MCM6: variants seen among roughly 807,000 people sequenced by gnomAD.
MCM6 encodes minichromosome maintenance complex component 6.
Under a neutral mutation model 94.3 loss-of-function variants are expected in MCM6, and 46 were observed. The ratio of observed to expected loss-of-function variants is 0.49; its 90% confidence interval spans 0.39 to 0.62. The LOEUF (loss-of-function observed/expected upper bound fraction) is 0.62, where lower values mean the gene tolerates loss of function less well. Ranked by LOEUF, MCM6 falls within the 20% of genes least tolerant of loss-of-function variation. The pLI is 0.00. For missense variants in MCM6, 865 were observed against 1,017.9 expected (o/e 0.85, Z 2.04); for synonymous variants, 335 against 351.9 (o/e 0.95, Z 0.54).
intron 10 of MCM6, among the ~76,000 whole-genome samples, chr2:135,857,235 TA>T (rs1679908301): frequency 6.6e-6 from 1 of 152,186 alleles, no homozygotes; most frequent in South Asian, 2.1e-4. Context: ...GGGAAATTAA[TA>T]AAAAACCAAA....
chr2:135,851,103 C>T (rs4988234), intron 13 of MCM6, among the ~76,000 whole-genome samples: 52 of 152,262 alleles, frequency 3.4e-4, no homozygotes, highest in African/African-American at 1.2e-3. Flanking sequence ...GTATTGCCAG[C>T]GCAGAGGCCT....
At chr2:135,866,386 G>T in intron 5 of MCM6, 109 bp from the exon 6 acceptor site, 1 of 1,445,510 alleles carries the variant, frequency 6.9e-7, no homozygotes, top group Non-Finnish European at 9.5e-7. Context: ...CTTAAGCCTT[G>T]AATACTTTCA....
intron 11 of MCM6, among the ~76,000 whole-genome samples, chr2:135,854,744 A>G (rs1451456088): frequency 6.6e-6 from 1 of 151,720 alleles, no homozygotes; most frequent in East Asian, 1.9e-4. Flanking sequence ...ACAATGGTGT[A>G]CATGTGTGGT....
chr2:135,844,524 C>T (rs750332909), intron 16 of MCM6, 21 bp downstream of exon 16: 24 of 1,471,480 alleles, frequency 1.6e-5, no homozygotes, highest in Admixed American at 2.4e-5. Context: ...GATACCAGAG[C>T]ACGCGCACTT....
chr2:135,848,557 T>C (rs1679711208), intron 13 of MCM6, among the ~76,000 whole-genome samples: 1 of 152,090 alleles, frequency 6.6e-6, no homozygotes, highest in Non-Finnish European at 1.5e-5. Context: ...TAAACATATA[T>C]ACATATCATA....
chr2:135,857,860 T>C (rs373158526), intron 10 of MCM6, 37 bp downstream of exon 10: 58 of 1,546,082 alleles, frequency 3.8e-5, no homozygotes, highest in Middle Eastern at 1.9e-4. Flanking sequence ...AACAAGGCTA[T>C]GGACGATGCA....
chr2:135,839,848 G>T lies in MCM6; in HGVS notation c.*987C>A, dbSNP rs1234504218. 1.3e-5 allele frequency: 2 copies of T among 152,172 alleles called. No homozygotes were observed. Among genetic ancestry groups the T allele is most frequent in the Non-Finnish European group, 2.9e-5 (2 of 68,042 alleles). 9.4% of individuals were successfully genotyped at this position (152,172 alleles called of 1,614,324 possible). A position where few individuals can be genotyped will look rare whatever the true frequency, so the allele number is the denominator to read the frequency against. On this transcript the variant is annotated 3_prime_UTR_variant, in exon 17 of 17. Coordinates refer to ENST00000264156, the MANE Select transcript of MCM6 (RefSeq NM_005915.6). ...TGCACTGGAAAGCTCAGACATCAAG[G>T]CAAGTTGAGTACTCATGGGTATTAG...
chr2:135,868,739 T>C lies in MCM6; in HGVS notation c.487A>G (p.Thr163Ala), dbSNP rs770073773. ...TGCTGTTCTACATCCCTGATCACTG[T>C]CTGACAGTCCAAGCACAGAAAAGTT... is the stretch of plus-strand genomic sequence containing the variant. ...SGTFLCLDCQ[T>A]VIRDVEQQFK... is the part of the protein sequence containing the mutation. Residue 163 changes from threonine to alanine, a missense_variant, in exon 4 of 17, where the codon ACA (threonine) becomes GCA (alanine). Physicochemically the swap from Thr to Ala is moderately conservative, Grantham distance 58. Around this residue, in one of 3 missense-constraint regions of MCM6, gnomAD observed 404 missense variants for 451.9 expected, o/e 0.89. Coordinates refer to ENST00000264156, the MANE Select transcript of MCM6 (RefSeq NM_005915.6). 6 of 1,614,230 alleles carry C rather than the reference T, an allele frequency of 3.7e-6. No homozygotes were observed. The Admixed American group carries it at 8.3e-5, about 22-fold the overall frequency.
chr2:135,857,593 T>A (rs1265294896), intron 10 of MCM6, among the ~76,000 whole-genome samples: 1 of 152,162 alleles, frequency 6.6e-6, no homozygotes, highest in African/African-American at 2.4e-5. Flanking sequence ...TATAAATAAA[T>A]ATATACATAT....
At chr2:135,851,045 C>T (rs1016280706) in intron 13 of MCM6, among the ~76,000 whole-genome samples, 1 of 152,168 alleles carries the variant, frequency 6.6e-6, no homozygotes, top group South Asian at 2.1e-4. Context: ...ACAAATGCAA[C>T]CTAAGGAGGA....
Position 135,868,636 on chromosome 2 carries a change from T to A in MCM6, c.590A>T (p.Lys197Ile). The A allele has an allele frequency of 6.2e-7, 1 of 1,614,044 alleles. No individual in the cohort carries two copies. Among genetic ancestry groups the A allele is most frequent in the Non-Finnish European group, 8.5e-7 (1 of 1,179,864 alleles). ...CTTTTGAAAATCAACAAATCTTGAT[T>A]TATTTGTATCCAGTAAGAATCTCCT... ...NRRRFLLDTN[K>I]SRFVDFQKVR... Residue 197 changes from lysine (K) to isoleucine (I), a missense_variant, in exon 4 of 17, where the codon AAA (lysine) becomes ATA (isoleucine). Coordinates refer to ENST00000264156, the MANE Select transcript of MCM6 (RefSeq NM_005915.6).
chr2:135,848,013 G>T (rs759511858), intron 14 of MCM6, 40 bp downstream of exon 14: 5 of 1,545,226 alleles, frequency 3.2e-6, no homozygotes, highest in Non-Finnish European at 4.4e-6. Context: ...AAATGTTTTG[G>T]TCCCTAACTC....
At chr2:135,852,456 T>C (rs552164932) in intron 12 of MCM6, among the ~76,000 whole-genome samples, 1 of 152,350 alleles carries the variant, frequency 6.6e-6, no homozygotes, top group African/African-American at 2.4e-5. Flanking sequence ...GATTCAACTA[T>C]TGATTTAGGC....
rs1680295129 is a variant in MCM6, at chr2:135,876,248, C to T, written c.107+11G>A. On this transcript the variant is annotated intron_variant, in intron 1 of 16. Transcript: ENST00000264156. ...GGAGGCGGGCGAGGCCCGGGGCGCT[C>T]GCCGACTTACTCCTCCAAGAAGTCC... is the stretch of plus-strand genomic sequence containing the variant. 1.3e-6 allele frequency: 2 copies of T among 1,586,792 alleles called. No individual in the cohort carries two copies. Among genetic ancestry groups the T allele is most frequent in the African/African-American group, 1.4e-5 (1 of 72,698 alleles).
At chr2:135,851,313 T>A (rs1679776790) in intron 13 of MCM6, 89 bp downstream of exon 13, 8 of 995,636 alleles carry the variant, frequency 8.0e-6, no homozygotes, top group Non-Finnish European at 1.2e-5. Context: ...GTATTTGCAG[T>A]GAATTCTAGT....
chr2:135,857,378 T>C (rs1385321492), intron 10 of MCM6, among the ~76,000 whole-genome samples: 1 of 152,240 alleles, frequency 6.6e-6, no homozygotes, highest in Non-Finnish European at 1.5e-5. Flanking sequence ...ATAGATGCCT[T>C]ATTTTCCTCC....
rs1218971610 is a variant in MCM6, at chr2:135,839,745, A to G, written c.*1090T>C. The G allele has an allele frequency of 6.6e-6, 1 of 152,206 alleles. No individual in the cohort carries two copies. The highest frequency in any genetic ancestry group is 1.5e-5 in the Non-Finnish European group (1 of 68,030). 9.4% of individuals were successfully genotyped at this position (152,206 alleles called of 1,614,324 possible). ...GAAAGAGATAATTATTGGGAGAAAC[A>G]TATTTAAATCATTGTTTTAACCTAT... On this transcript the variant is annotated 3_prime_UTR_variant, in exon 17 of 17. Transcript: ENST00000264156.
chr2:135,866,818 T>G, intron 4 of MCM6, 90 bp from the exon 5 acceptor site: 6 of 1,046,458 alleles, frequency 5.7e-6, no homozygotes, highest in Non-Finnish European at 8.2e-6. Flanking sequence ...AATACGGACG[T>G]ATTCTAAACT....
intron 13 of MCM6, among the ~76,000 whole-genome samples, chr2:135,850,905 G>C (rs879798226): frequency 3.3e-5 from 5 of 152,224 alleles, no homozygotes; most frequent in Non-Finnish European, 7.3e-5. Flanking sequence ...ACGCAGGGCT[G>C]CTTTGGTTGA....
Sources: allele counts gnomAD v4.1 joint callset (sites outside exome capture counted in the v4.1 genomes callset), GRCh38; gene constraint gnomAD v4.1.1; regional missense constraint gnomAD v4.1.1; transcripts MANE v1.5; gene names NCBI Gene and HGNC (gene_info 2026-07-23, HGNC 2026-07-21).